Variants in ST3GAL2 observed in about 807,000 individuals in gnomAD.
The protein encoded by ST3GAL2 is ST3 beta-galactoside alpha-2,3-sialyltransferase 2.
A neutral mutation model predicts 37.5 loss-of-function variants in ST3GAL2; 16 were observed. That is an observed-to-expected ratio of 0.43 (90% confidence interval 0.29 to 0.65). ST3GAL2 has a LOEUF of 0.65. Among genes scored for constraint, ST3GAL2 ranks in the 30% least tolerant of loss-of-function variants. The probability of loss-of-function intolerance (pLI) is 0.17; values close to 1 mark genes in which losing one functional copy is unlikely to be tolerated. For synonymous variants in ST3GAL2, 238 were observed against 202.9 expected, an observed-to-expected ratio of 1.17 and a Z score of -1.47; for missense variants, 383 against 487.8, an observed-to-expected ratio of 0.79 and a Z score of 2.02.
At chr16:70,407,616 T>A (rs2047601625) in intron 1 of ST3GAL2, among the ~76,000 whole-genome samples, 1 of 152,090 alleles carries the variant, frequency 6.6e-6, no homozygotes, top group Admixed American at 6.6e-5. Context: ...CCGCCTTCCA[T>A]CCTCAGGAGA....
At chr16:70,393,498 C>T (rs2047495459) in intron 3 of ST3GAL2, among the ~76,000 whole-genome samples, 1 of 152,198 alleles carries the variant, frequency 6.6e-6, no homozygotes, top group Non-Finnish European at 1.5e-5. Flanking sequence ...AGGTGCCTGA[C>T]CAGTGAAAGC....
chr16:70,413,992 T>A (rs2047657951), intron 1 of ST3GAL2, among the ~76,000 whole-genome samples: 1 of 152,128 alleles, frequency 6.6e-6, no homozygotes, highest in East Asian at 1.9e-4. Flanking sequence ...CTATTTCTCA[T>A]CCACAGGGAT....
intron 4 of ST3GAL2, among the ~76,000 whole-genome samples, chr16:70,385,625 G>C (rs570503190): frequency 6.6e-6 from 1 of 151,606 alleles, no homozygotes; most frequent in East Asian, 1.9e-4. Context: ...AGGAGTGGGG[G>C]TGATGGCTTA....
chr16:70,425,153 C>A (rs2047741369), intron 1 of ST3GAL2, among the ~76,000 whole-genome samples: 1 of 151,662 alleles, frequency 6.6e-6, no homozygotes, highest in African/African-American at 2.4e-5. Context: ...TCAAGTACAG[C>A]CTGGGCAACA....
intron 1 of ST3GAL2, among the ~76,000 whole-genome samples, chr16:70,431,294 C>A (rs993409793): frequency 1.3e-5 from 2 of 152,216 alleles, no homozygotes; most frequent in Non-Finnish European, 2.9e-5. Flanking sequence ...ACATTTGTTG[C>A]CAATTTTCTC....
intron 1 of ST3GAL2, among the ~76,000 whole-genome samples, chr16:70,423,510 AAAAC>A (rs1220712186): frequency 5.9e-5 from 9 of 152,236 alleles, no homozygotes; most frequent in African/African-American, 1.4e-4. Flanking sequence ...ACTCCATCTC[AAAAC>A]AAACAAACAA....
Position 70,380,460 on chromosome 16 carries a change from T to G in ST3GAL2, c.*1229A>C, listed in dbSNP as rs1386164142. On this transcript the variant is annotated 3_prime_UTR_variant, in exon 7 of 7. Transcript: ENST00000342907. ...CTCCCCAGCTTCGAAGGGGGAGAAT[T>G]CCACCAGCAGCCCCGTCAGGGACCT... 3.9e-5 allele frequency: 6 copies of G among 152,288 alleles called. No homozygotes were observed. Among genetic ancestry groups the G allele is most frequent in the Admixed American group, 3.9e-4 (6 of 15,270 alleles). The allele number at this position is 152,288 out of a possible 1,614,324, so 9.4% of individuals were successfully genotyped here.
rs1028419690 is a variant in ST3GAL2, at chr16:70,398,934, C to T, written c.-404G>A. 9 of 441,198 alleles carry T rather than the reference C, an allele frequency of 2.0e-5. No homozygotes were observed. The highest frequency in any genetic ancestry group is 1.4e-4 in the African/African-American group (7 of 50,076). 27.3% of individuals were successfully genotyped at this position (441,198 alleles called of 1,614,324 possible). On this transcript the variant is annotated 5_prime_UTR_variant, in exon 2 of 7. Transcript: ENST00000342907. The stretch of plus-strand genomic sequence containing the variant: ...TTGAAATAATCCAGTCTGGAGCAGT[C>T]GGGGTCCTTGTGGTTCATGAGCAGA...
At chr16:70,435,319 G>C (rs2047817424) in intron 1 of ST3GAL2, among the ~76,000 whole-genome samples, 1 of 152,142 alleles carries the variant, frequency 6.6e-6, no homozygotes, top group Non-Finnish European at 1.5e-5. Context: ...TAGCTGGCTG[G>C]GCGCAGTGGT....
rs184932682 is a variant in ST3GAL2 at position 70,388,610 on chromosome 16, G to A, written c.534-64C>T. On this transcript the variant is annotated intron_variant, in intron 3 of 6. Transcript: ENST00000342907. ...TGGAAACTGATACAAGATTCTTAGA[G>A]GACAGTTCGAAGCCATCCATCAAAA... The A allele has an allele frequency of 1.8e-4, 277 of 1,512,584 alleles. 3 individuals carry two copies. Among genetic ancestry groups the A allele is most frequent in the South Asian group, 1.6e-3 (121 of 75,662 alleles). The allele number at this position is 1,512,584 out of a possible 1,614,324, so 93.7% of individuals were successfully genotyped here. A position where few individuals can be genotyped will look rare whatever the true frequency, so the allele number is the denominator to read the frequency against.
chr16:70,407,198 T>C (rs1597567171), intron 1 of ST3GAL2, among the ~76,000 whole-genome samples: 1 of 150,968 alleles, frequency 6.6e-6, no homozygotes, highest in African/African-American at 2.4e-5. Context: ...TGGAGTGCAG[T>C]GGCGCAATAT....
chr16:70,411,137 C>T (rs2047635555), intron 1 of ST3GAL2, among the ~76,000 whole-genome samples: 2 of 152,084 alleles, frequency 1.3e-5, no homozygotes, highest in South Asian at 2.1e-4. Flanking sequence ...GTAATCCCAG[C>T]GCTTTGGGAG....
Position 70,398,866 on chromosome 16 carries a change from G to T in ST3GAL2, c.-336C>A. On this transcript the variant is annotated 5_prime_UTR_variant, in exon 2 of 7. Coordinates refer to ENST00000342907, the MANE Select transcript of ST3GAL2 (RefSeq NM_006927.4). ...TCCATTGCAGCCCTCTAGTCCCTTG[G>T]GATTGCTGGCTGCCAGCTCTAGGGG... 1 of 476,494 alleles carries T rather than the reference G, an allele frequency of 2.1e-6. No homozygotes were observed. The highest frequency in any genetic ancestry group is 5.2e-5 in the South Asian group (1 of 19,096). The allele number at this position is 476,494 out of a possible 1,614,324, so 29.5% of individuals were successfully genotyped here.
chr16:70,409,801 C>A (rs568176601), intron 1 of ST3GAL2, among the ~76,000 whole-genome samples: 1 of 146,294 alleles, frequency 6.8e-6, no homozygotes, highest in East Asian at 2.0e-4. Flanking sequence ...CCAGACCTGG[C>A]TAAATTTTTT....
intron 1 of ST3GAL2, among the ~76,000 whole-genome samples, chr16:70,414,023 T>TG (rs1040395206): frequency 7.2e-4 from 110 of 152,258 alleles, no homozygotes; most frequent in African/African-American, 2.6e-3. Context: ...TTGAGTGTGG[T>TG]GGGGGGTAGA....
chr16:70,432,882 T>C (rs2047800671), intron 1 of ST3GAL2, among the ~76,000 whole-genome samples: 1 of 152,172 alleles, frequency 6.6e-6, no homozygotes, highest in African/African-American at 2.4e-5. Flanking sequence ...CCGGGCTGCA[T>C]GTGGAAACAG....
intron 1 of ST3GAL2, among the ~76,000 whole-genome samples, chr16:70,427,420 C>G (rs1281074958): frequency 6.6e-6 from 1 of 150,846 alleles, no homozygotes; most frequent in Non-Finnish European, 1.5e-5. Flanking sequence ...CTCACTGCAA[C>G]CTCCACCTCC....
At chr16:70,409,360 T>G (rs1011658488) in intron 1 of ST3GAL2, among the ~76,000 whole-genome samples, 1 of 152,116 alleles carries the variant, frequency 6.6e-6, no homozygotes, top group African/African-American at 2.4e-5. Flanking sequence ...TTTTTTTTTT[T>G]GAGACGGAGT....
intron 1 of ST3GAL2, among the ~76,000 whole-genome samples, chr16:70,407,339 C>T (rs1051966665): frequency 2.0e-5 from 3 of 152,146 alleles, no homozygotes; most frequent in Non-Finnish European, 4.4e-5. Flanking sequence ...TGAGGTTTCG[C>T]CATGTTGGCT....
Sources: allele counts gnomAD v4.1 joint callset (sites outside exome capture counted in the v4.1 genomes callset), GRCh38; gene constraint gnomAD v4.1.1; transcripts MANE v1.5; gene names NCBI Gene and HGNC (gene_info 2026-07-23, HGNC 2026-07-21).